CLEC16A: variants seen among roughly 807,000 people sequenced by gnomAD.
The protein encoded by CLEC16A is C-type lectin domain containing 16A.
CLEC16A carries 51 observed loss-of-function variants against 109.5 expected under a neutral mutation model. The ratio of observed to expected loss-of-function variants is 0.47; its 90% CI spans 0.37 to 0.59. CLEC16A has a LOEUF of 0.59. Among genes scored for constraint, CLEC16A ranks in the 20% least tolerant of loss-of-function variants. The probability of loss-of-function intolerance (pLI) is 0.00; values close to 1 mark genes in which losing one functional copy is unlikely to be tolerated. For missense variants in CLEC16A, 1,339 were observed against 1,394.0 expected (o/e 0.96, Z 0.63); for synonymous variants, 673 against 564.2 (o/e 1.19, Z -2.73).
At chr16:11,049,060 G>A (rs1232013176) in intron 17 of CLEC16A, among the ~76,000 whole-genome samples, 1 of 151,676 alleles carries the variant, frequency 6.6e-6, no homozygotes, top group Non-Finnish European at 1.5e-5. Context: ...AGGCTGGAGT[G>A]CAAGTAGTGC....
At chr16:11,150,032 C>T (rs2054233304) in intron 22 of CLEC16A, 2 of 152,164 alleles carry the variant, frequency 1.3e-5, no homozygotes, top group East Asian at 3.8e-4. Context: ...AAACCAAAAC[C>T]TGCCTTCAGG....
At chr16:10,969,109 C>T (rs968916907) in intron 3 of CLEC16A, 52 bp from the exon 4 acceptor site, 6 of 1,510,410 alleles carry the variant, frequency 4.0e-6, no homozygotes, top group African/African-American at 2.8e-5. Flanking sequence ...TGTTACCTGG[C>T]TTATCTTTCC....
At chr16:10,996,185 G>A (rs945888185) in intron 10 of CLEC16A, among the ~76,000 whole-genome samples, 35 of 152,206 alleles carry the variant, frequency 2.3e-4, no homozygotes, top group African/African-American at 8.0e-4. Flanking sequence ...TGCATCTATA[G>A]GGCATTGAGT....
chr16:10,954,003 T>C lies in CLEC16A; in HGVS notation c.81-3779T>C, dbSNP rs897429416. ...AAAAAAAAAAAATGGGCAAAAGACT[T>C]GCACAGGCACCTCACAAAAGAAGAT... On this transcript the variant is annotated intron_variant, in intron 1 of 23. Coordinates refer to ENST00000409790, the MANE Select transcript of CLEC16A (RefSeq NM_015226.3). This position sits in a 1 kb window ranked among gnomAD's most constrained non-coding sequence, Gnocchi z 4.2. Among the ~76,000 whole-genome samples, 21 of 149,966 alleles carry C rather than the reference T, an allele frequency of 1.4e-4. No homozygotes were observed. The highest frequency in any genetic ancestry group is 2.8e-4 in the Non-Finnish European group (19 of 67,662).
chr16:11,082,292 C>G (rs1479724976), intron 19 of CLEC16A, among the ~76,000 whole-genome samples: 1 of 152,218 alleles, frequency 6.6e-6, no homozygotes, highest in Non-Finnish European at 1.5e-5. Context: ...GACAGTTTCT[C>G]ACCCCTGCAG....
intron 23 of CLEC16A, among the ~76,000 whole-genome samples, chr16:11,169,139 A>G (rs1220974203): frequency 6.6e-6 from 1 of 152,182 alleles, no homozygotes; most frequent in African/African-American, 2.4e-5. Context: ...TTTTGAGGGT[A>G]CAGTGCTAAG....
In CLEC16A at chr16:11,044,008, C is replaced by A; in HGVS notation, c.1771-20C>A. On this transcript the variant is annotated intron_variant, in intron 15 of 23. Transcript: ENST00000409790. ...CTATATGAGACCTGCCTCCTTCACA[C>A]CTTCCTTCTCTTTTAACAGGGTGCG... 6.3e-7 allele frequency: 1 copy of A among 1,590,438 alleles called. No homozygotes were observed. The highest frequency in any genetic ancestry group is 8.6e-7 in the Non-Finnish European group (1 of 1,167,024).
intron 15 of CLEC16A, 25 bp downstream of exon 15, chr16:11,042,388 C>T (rs1333915943): frequency 4.6e-6 from 7 of 1,522,808 alleles, no homozygotes; most frequent in East Asian, 2.4e-5. Context: ...GCTCCTCCTT[C>T]CTGTGGGCCA....
chr16:10,987,958 T>C (rs2043773638), intron 10 of CLEC16A, among the ~76,000 whole-genome samples: 1 of 152,240 alleles, frequency 6.6e-6, no homozygotes, highest in South Asian at 2.1e-4. Flanking sequence ...TTGAAAGGAC[T>C]GTAATTTAGG....
At chr16:11,045,327 G>A (rs894500401) in intron 16 of CLEC16A, among the ~76,000 whole-genome samples, 7 of 152,130 alleles carry the variant, frequency 4.6e-5, no homozygotes, top group Non-Finnish European at 1.0e-4. Context: ...CAGCCTGGGT[G>A]ATAGGTGAGA....
At chr16:10,976,472 G>A (rs1415067388) in intron 7 of CLEC16A, among the ~76,000 whole-genome samples, 1 of 152,046 alleles carries the variant, frequency 6.6e-6, no homozygotes, top group African/African-American at 2.4e-5. Context: ...GTCCCAAAAT[G>A]TTAATAGTGG....
intron 3 of CLEC16A, among the ~76,000 whole-genome samples, chr16:10,964,041 A>C (rs560007505): frequency 2.0e-5 from 3 of 152,358 alleles, no homozygotes; most frequent in East Asian, 3.9e-4. Context: ...GTGGGGGACA[A>C]GTGGCCAAAT....
intron 19 of CLEC16A, among the ~76,000 whole-genome samples, chr16:11,085,641 G>T (rs2049970535): frequency 1.3e-5 from 2 of 152,262 alleles, no homozygotes; most frequent in African/African-American, 2.4e-5. Context: ...GGTCTCTAGA[G>T]CCAAGAACAG....
At chr16:11,113,760 A>G (rs7198004) in intron 19 of CLEC16A, among the ~76,000 whole-genome samples, 72,246 of 152,098 alleles carry the variant, frequency 0.47, 17,737 homozygotes, top group African/African-American at 0.61. Context: ...ACTCTCTGGA[A>G]GGCGAATTCA....
chr16:10,982,938 G>T lies in CLEC16A; in HGVS notation c.1018G>T (p.Gly340Cys). Residue 340 changes from glycine to cysteine, a missense_variant, in exon 10 of 24, where the codon GGT becomes TGT. By Grantham distance (159) the Gly-to-Cys change is radical. Transcript: ENST00000409790. ...CTCGTTAGCTGAAGTCATTCTGAAT[G>T]GTGATCTGTCTGAGATGTACGCTAA... The part of the protein sequence containing the change: ...VNSLAEVILN[G>C]DLSEMYAKTE... The T allele has an allele frequency of 6.2e-7, 1 of 1,613,254 alleles. No homozygotes were observed. The highest frequency in any genetic ancestry group is 8.5e-7 in the Non-Finnish European group (1 of 1,179,226).
intron 22 of CLEC16A, among the ~76,000 whole-genome samples, chr16:11,131,466 G>T (rs1225263516): frequency 6.6e-6 from 1 of 152,220 alleles, no homozygotes. Context: ...TGGCCCAGAG[G>T]CTGCTTCAGG....
chr16:11,050,379 T>A (rs186493533), intron 17 of CLEC16A, among the ~76,000 whole-genome samples: 4 of 152,318 alleles, frequency 2.6e-5, no homozygotes, highest in African/African-American at 9.6e-5. Context: ...GAGCCCTCGC[T>A]ACATCCCTGC....
intron 11 of CLEC16A, 147 bp downstream of exon 11, chr16:11,003,452 A>G (rs1025327555): frequency 4.5e-6 from 3 of 666,138 alleles, no homozygotes; most frequent in African/African-American, 1.8e-5. Flanking sequence ...GGCGTACCTC[A>G]TTCTATACAG....
At chr16:11,086,851 C>T (rs1030344068) in intron 19 of CLEC16A, among the ~76,000 whole-genome samples, 1 of 152,180 alleles carries the variant, frequency 6.6e-6, no homozygotes, top group Non-Finnish European at 1.5e-5. Flanking sequence ...TAAGTCAGCG[C>T]TACCCCATCT....
Sources: allele counts gnomAD v4.1 joint callset (sites outside exome capture counted in the v4.1 genomes callset), GRCh38; gene constraint gnomAD v4.1.1; non-coding constraint Gnocchi (gnomAD v3.1); transcripts MANE v1.5; gene names NCBI Gene and HGNC (gene_info 2026-07-23, HGNC 2026-07-21).